The following VWA5B2 variants were observed in gnomAD, a reference collection of about 807,000 sequenced individuals.
The protein encoded by VWA5B2 is von Willebrand factor A domain-containing protein 5B2.
Under a neutral mutation model 118.5 loss-of-function variants are expected in VWA5B2, and 93 were observed. That is an observed-to-expected ratio of 0.79 (90% CI 0.66 to 0.93). The LOEUF (loss-of-function observed/expected upper bound fraction) is 0.93. Among genes scored for constraint, VWA5B2 ranks in the 40% least tolerant of loss-of-function variants. The pLI is 0.00. For synonymous variants in VWA5B2, 708 were observed against 716.3 expected (o/e 0.99, Z 0.19); for missense variants, 1,546 against 1,672.8 (o/e 0.92, Z 1.32).
chr3:184,234,202 A>G (rs1237887897), intron 5 of VWA5B2, 64 bp from the exon 6 acceptor site: 4 of 1,532,684 alleles, frequency 2.6e-6, no homozygotes, highest in Non-Finnish European at 3.5e-6. Context: ...ACCCCTGCCA[A>G]CATTTGCTGT....
chr3:184,233,241 C>T lies in VWA5B2; in HGVS notation c.374C>T (p.Ala125Val). Reference protein sequence around the residue: ...STLVLPTGIIAAAGTMTVTLH... With the variant: ...STLVLPTGIIVAAGTMTVTLH... ...TTGGTGCTGCCCACAGGCATTATCG[C>T]CGCGGCTGGCACCATGACGGTGACC... Residue 125 changes from alanine (A) to valine (V), a missense_variant, in exon 4 of 20, where the codon GCC becomes GTC. Coordinates refer to ENST00000691901, the MANE Select transcript of VWA5B2 (RefSeq NM_001390846.1). The surrounding 1 kb of genome is among the most constrained non-coding windows in gnomAD (Gnocchi z 5.2). The T allele has an allele frequency of 1.3e-6, 2 of 1,550,492 alleles. No individual in the cohort carries two copies. The highest frequency in any genetic ancestry group is 1.7e-6 in the Non-Finnish European group (2 of 1,146,710).
chr3:184,234,851 G>C, intron 7 of VWA5B2, 96 bp downstream of exon 7: 1 of 1,500,516 alleles, frequency 6.7e-7, no homozygotes, highest in Non-Finnish European at 8.9e-7. Flanking sequence ...GTGCGGGGAG[G>C]CCTCTTTTCT....
At position 184,236,353 on chromosome 3, in the gene VWA5B2, A is replaced by G; in HGVS notation, c.1223A>G (p.Gln408Arg). The G allele has an allele frequency of 6.5e-7, 1 of 1,547,540 alleles. No homozygotes were observed. The highest frequency in any genetic ancestry group is 8.7e-7 in the Non-Finnish European group (1 of 1,143,784). ...GCCTTCTCGCTCCAGGATGCTGTGC[A>G]GCTGATCTGCGAGAGCATTGAGACC... ...ESRPCSDDAV[Q>R]LICESIETLQ... Residue 408 changes from glutamine (Q) to arginine (R), a missense_variant, in exon 10 of 20, where the codon CAG becomes CGG. Coordinates refer to ENST00000691901, the MANE Select transcript of VWA5B2 (RefSeq NM_001390846.1).
Position 184,239,634 on chromosome 3 carries a change from G to A in VWA5B2, c.2392+51G>A. ...TCCCTGACACCAAAGAGGCCTTGGG[G>A]AGGTAAAGCCCAGAGGACCACTCTG... On this transcript the variant is annotated intron_variant, in intron 15 of 19. Coordinates refer to ENST00000691901, the MANE Select transcript of VWA5B2 (RefSeq NM_001390846.1). The surrounding 1 kb of genome is among the most constrained non-coding windows in gnomAD (Gnocchi z 5.1). 3.4e-6 allele frequency: 5 copies of A among 1,475,274 alleles called. No individual in the cohort carries two copies. The highest frequency in any genetic ancestry group is 4.5e-6 in the Non-Finnish European group (5 of 1,105,100). The allele number at this position is 1,475,274 out of a possible 1,614,324, so 91.4% of individuals were successfully genotyped here.
In VWA5B2 at chr3:184,241,855, T is replaced by C. The variant is rs1188236709; in HGVS notation, c.3546T>C (p.Ala1182=). The C allele has an allele frequency of 2.6e-6, 4 of 1,542,524 alleles. No individual in the cohort carries two copies. In the Admixed American group the frequency reaches 7.9e-5, roughly 30 times the overall value. ...ALAWLEHRCA[A]AFDEWELTAA... is the part of the protein sequence containing the mutation. ...CCTGGCTGGAGCACCGATGCGCCGC[T>C]GCCTTCGACGAGTGGGAACTGACAG... Residue 1182 remains alanine, a synonymous_variant, in exon 20 of 20, where the codon GCT becomes GCC. Transcript: ENST00000691901. This position sits in a 1 kb window ranked among gnomAD's most constrained non-coding sequence, Gnocchi z 5.1.
chr3:184,240,934 G>C lies in VWA5B2; in HGVS notation c.2878+6G>C. ...CCTGCAGGTGTGCAGCTCAGGTAGG[G>C]GCCTCTTCTGGTGACCTCTCAGGTG... On this transcript the variant is annotated splice_donor_region_variant and intron_variant, in intron 17 of 19. Transcript: ENST00000691901. The C allele has an allele frequency of 1.9e-6, 3 of 1,551,526 alleles. No individual in the cohort carries two copies. Among genetic ancestry groups the C allele is most frequent in the Non-Finnish European group, 2.6e-6 (3 of 1,146,932 alleles).
chr3:184,238,489 G>A lies in VWA5B2; in HGVS notation c.1891+15G>A, dbSNP rs1430146334. On this transcript the variant is annotated intron_variant, in intron 13 of 19. Coordinates refer to ENST00000691901, the MANE Select transcript of VWA5B2 (RefSeq NM_001390846.1). This position sits in a 1 kb window ranked among gnomAD's most constrained non-coding sequence, Gnocchi z 5.0. ...CTCGGAGCAGAGTGAGTGCCCAGGT[G>A]TATGTGTGTGGCTGTATTGGAGTGG... 8 of 1,540,760 alleles carry A rather than the reference G, an allele frequency of 5.2e-6. No individual in the cohort carries two copies. Among genetic ancestry groups the A allele is most frequent in the South Asian group, 1.2e-5 (1 of 83,430 alleles).
Position 184,230,947 on chromosome 3 carries a change from C to T in VWA5B2, c.310+30C>T, listed in dbSNP as rs977069472. On this transcript the variant is annotated intron_variant, in intron 3 of 19. Coordinates refer to ENST00000691901, the MANE Select transcript of VWA5B2 (RefSeq NM_001390846.1). ...GTTCCGCGCGCCCGCACCCGCGCTC[C>T]TGAAAGCCGGGCGCAGCTCAGGCTC... 13 of 1,209,878 alleles carry T rather than the reference C, an allele frequency of 1.1e-5. No homozygotes were observed. The African/African-American group carries it at 2.1e-4, about 19-fold the overall frequency. The allele number at this position is 1,209,878 out of a possible 1,614,324, so 74.9% of individuals were successfully genotyped here.
chr3:184,230,310 C>G, intron 1 of VWA5B2, 70 bp from the exon 2 acceptor site: 1 of 498,178 alleles, frequency 2.0e-6, no homozygotes. Context: ...GCCCAGGTAA[C>G]GCGTGAGGAT....
Position 184,241,528 on chromosome 3 carries a change from C to G in VWA5B2, c.3219C>G (p.Asp1073Glu). ...AGGCACCAGGCTCCTTCCGCCTGGA[C>G]GCGCCCTTCTGCGCCGCTGTGCGCA... The part of the protein sequence containing the change: ...LQEAPGSFRL[D>E]APFCAAVRIS... The change falls in exon 20 of 20, where the codon GAC becomes GAG. Residue 1073 changes from aspartate to glutamate, a missense_variant. Transcript: ENST00000691901. The surrounding 1 kb of genome is among the most constrained non-coding windows in gnomAD (Gnocchi z 5.1). 2 of 1,550,092 alleles carry G rather than the reference C, an allele frequency of 1.3e-6. No homozygotes were observed. Among genetic ancestry groups the G allele is most frequent in the Non-Finnish European group, 1.7e-6 (2 of 1,146,774 alleles).
Position 184,233,747 on chromosome 3 carries a change from G to T in VWA5B2, c.688+14G>T. On this transcript the variant is annotated intron_variant, in intron 5 of 19. Coordinates refer to ENST00000691901, the MANE Select transcript of VWA5B2 (RefSeq NM_001390846.1). This position sits in a 1 kb window ranked among gnomAD's most constrained non-coding sequence, Gnocchi z 5.2. ...GCCTGCTTGCAGGTGGGTGCATCTG[G>T]CTGGCCTGCCCTCTTTTCAGATGCC... The T allele has an allele frequency of 6.5e-7, 1 of 1,549,260 alleles. No individual in the cohort carries two copies. Among genetic ancestry groups the T allele is most frequent in the Middle Eastern group, 2.1e-4 (1 of 4,794 alleles).
Position 184,241,356 on chromosome 3 carries a change from G to T in VWA5B2, c.3132G>T (p.Pro1044=), listed in dbSNP as rs903315144. 4.5e-6 allele frequency: 7 copies of T among 1,555,032 alleles called. No individual in the cohort carries two copies. Among genetic ancestry groups the T allele is most frequent in the Non-Finnish European group, 5.2e-6 (6 of 1,149,026 alleles). ...GTCACAAACTCTGTAGCCCTGACCC[G>T]GGCCAGGCCAACAACAGTGAAGGCA... ...GRRHKLCSPD[P]GQANNSEGSD... Residue 1044 remains proline, a synonymous_variant, in exon 19 of 20, where the codon CCG becomes CCT. Coordinates refer to ENST00000691901, the MANE Select transcript of VWA5B2 (RefSeq NM_001390846.1). This position sits in a 1 kb window ranked among gnomAD's most constrained non-coding sequence, Gnocchi z 5.1.
intron 16 of VWA5B2, 198 bp from the exon 17 acceptor site, chr3:184,240,593 C>G (rs553843642): frequency 1.4e-6 from 1 of 720,056 alleles, no homozygotes; most frequent in Non-Finnish European, 2.2e-6. Flanking sequence ...GGCTCTTGCT[C>G]TGCTATGGGT....
Position 184,239,674 on chromosome 3 carries a change from G to T in VWA5B2, c.2393-15G>T. 3 of 1,467,050 alleles carry T rather than the reference G, an allele frequency of 2.0e-6. No individual in the cohort carries two copies. Among genetic ancestry groups the T allele is most frequent in the Non-Finnish European group, 2.7e-6 (3 of 1,102,918 alleles). 90.9% of individuals were successfully genotyped at this position (1,467,050 alleles called of 1,614,324 possible). ...GGACCACTCTGCCCATGCCCCTGCTGTCTTGCCTCCCCAGGAAACCTGCTC... is the reference window on the plus strand; with the variant it reads ...GGACCACTCTGCCCATGCCCCTGCTTTCTTGCCTCCCCAGGAAACCTGCTC... On this transcript the variant is annotated splice_polypyrimidine_tract_variant and intron_variant, in intron 15 of 19. Coordinates refer to ENST00000691901, the MANE Select transcript of VWA5B2 (RefSeq NM_001390846.1). This position sits in a 1 kb window ranked among gnomAD's most constrained non-coding sequence, Gnocchi z 5.1.
rs891827202 is a variant in VWA5B2, at chr3:184,239,826, C to T, written c.2530C>T (p.Arg844Trp). ...GGCTCCACGCTGCCATGTGGTGATCCGGGGCCTGTGTGGGGAGCAGCCCAT... is the reference window on the plus strand; with the variant it reads ...GGCTCCACGCTGCCATGTGGTGATCTGGGGCCTGTGTGGGGAGCAGCCCAT... Reference protein sequence around the residue: ...PQAPRCHVVIRGLCGEQPMCW... With the variant: ...PQAPRCHVVIWGLCGEQPMCW... The change falls in exon 16 of 20, where the codon CGG (arginine) becomes TGG (tryptophan). Residue 844 changes from arginine (R) to tryptophan (W), a missense_variant. Physicochemically the swap from Arg to Trp is moderately radical, Grantham distance 101 (BLOSUM62 -3). This residue lies in a region of VWA5B2 where 763 missense variants were observed against 766.6 expected (regional missense o/e 1.00). Coordinates refer to ENST00000691901, the MANE Select transcript of VWA5B2 (RefSeq NM_001390846.1). The surrounding 1 kb of genome is among the most constrained non-coding windows in gnomAD (Gnocchi z 5.1). 3.0e-5 allele frequency: 47 copies of T among 1,551,072 alleles called. No homozygotes were observed. In the Admixed American group the frequency reaches 7.8e-4, roughly 26 times the overall value.
chr3:184,234,286 G>A lies in VWA5B2; in HGVS notation c.709G>A (p.Ala237Thr), dbSNP rs369327005. 14 of 1,551,564 alleles carry A rather than the reference G, an allele frequency of 9.0e-6. No homozygotes were observed. Among genetic ancestry groups the A allele is most frequent in the Non-Finnish European group, 1.2e-5 (14 of 1,147,008 alleles). The change falls in exon 6 of 20, where the codon GCT (alanine) becomes ACT (threonine). Residue 237 changes from alanine (A) to threonine (T), a missense_variant. Around this residue, in one of 3 missense-constraint regions of VWA5B2, gnomAD observed 775 missense variants for 882.3 expected, o/e 0.88. Transcript: ENST00000691901. ...CTCAGGCCTGGAGAGCCCCTCTCAT[G>A]CTCTGCGGGCAGATGCCCCCCCTCA... Reference protein sequence around the residue: ...LLAGLESPSHALRADAPPHAS... With the variant: ...LLAGLESPSHTLRADAPPHAS...
intron 6 of VWA5B2, 24 bp downstream of exon 6, chr3:184,234,421 G>A: frequency 6.4e-7 from 1 of 1,551,286 alleles, no homozygotes; most frequent in Admixed American, 2.0e-5. Flanking sequence ...ACACACCGTG[G>A]GCCGGCTCTG....
Position 184,233,530 on chromosome 3 carries a change from G to C in VWA5B2, c.531-46G>C. ...TGGGGCCAGTCAGCCGGAGGGTTTA[G>C]GGGCCTTCACAGTGGCCCAGTGACC... is the stretch of plus-strand genomic sequence containing the variant. On this transcript the variant is annotated intron_variant, in intron 4 of 19. Transcript: ENST00000691901. The surrounding 1 kb of genome is among the most constrained non-coding windows in gnomAD (Gnocchi z 5.2). 1 of 1,539,718 alleles carries C rather than the reference G, an allele frequency of 6.5e-7. No individual in the cohort carries two copies.
chr3:184,230,590 G>C lies in VWA5B2; in HGVS notation c.62G>C (p.Arg21Pro), dbSNP rs929455841. 31 of 1,463,530 alleles carry C rather than the reference G, an allele frequency of 2.1e-5. No individual in the cohort carries two copies. Among genetic ancestry groups the C allele is most frequent in the East Asian group, 1.8e-4 (6 of 33,008 alleles). The allele number at this position is 1,463,530 out of a possible 1,614,324, so 90.7% of individuals were successfully genotyped here. A position where few individuals can be genotyped will look rare whatever the true frequency, so the allele number is the denominator to read the frequency against. ...CTGCCGCTCACGGACTCCTGGGTCC[G>C]GGCCTGCGCCAACGGCCCCTGCCTC... ...TPLPLTDSWV[R>P]ACANGPCLSV... The change falls in exon 2 of 20, where the codon CGG becomes CCG. Residue 21 changes from arginine (R) to proline (P), a missense_variant. Around this residue, in one of 3 missense-constraint regions of VWA5B2, gnomAD observed 775 missense variants for 882.3 expected, o/e 0.88. Transcript: ENST00000691901.
Sources: allele counts gnomAD v4.1 joint callset, GRCh38; gene constraint gnomAD v4.1.1; regional missense constraint gnomAD v4.1.1; non-coding constraint Gnocchi (gnomAD v3.1); transcripts MANE v1.5; gene names NCBI Gene and HGNC (gene_info 2026-07-23, HGNC 2026-07-21).